The following GREB1L variants were observed in gnomAD, a reference collection of about 807,000 sequenced individuals.
GREB1L encodes GREB1 like retinoic acid receptor coactivator.
GREB1L carries 17 observed loss-of-function variants against 200.8 expected under a neutral mutation model. The ratio of observed to expected loss-of-function variants is 0.08; its 90% CI spans 0.06 to 0.13. The LOEUF (loss-of-function observed/expected upper bound fraction) is 0.13, where lower values mean the gene tolerates loss of function less well. GREB1L is among the 10% of genes least tolerant of loss of function. GREB1L has a pLI of 1.00. For synonymous variants in GREB1L, 789 were observed against 893.0 expected (o/e 0.88, Z 2.08); for missense variants, 1,657 against 2,367.7 (o/e 0.70, Z 6.23).
At chr18:21,342,095 A>T (rs530632567) in intron 1 of GREB1L, among the ~76,000 whole-genome samples, 2 of 152,208 alleles carry the variant, frequency 1.3e-5, no homozygotes, top group South Asian at 4.2e-4. Flanking sequence ...TATTGGAACC[A>T]TTTTTGCCTA....
chr18:21,347,168 C>G (rs12966347), intron 1 of GREB1L, among the ~76,000 whole-genome samples: 1 of 151,780 alleles, frequency 6.6e-6, no homozygotes, highest in South Asian at 2.1e-4. Context: ...GTCCCAGCTA[C>G]TAGGGAGGCT....
intron 6 of GREB1L, 99 bp from the exon 7 acceptor site, chr18:21,403,773 G>T: frequency 1.0e-6 from 1 of 984,440 alleles, no homozygotes; most frequent in Non-Finnish European, 1.5e-6. Flanking sequence ...CGCTTAAGGA[G>T]CAGCGATTTA....
intron 1 of GREB1L, among the ~76,000 whole-genome samples, chr18:21,252,966 T>G (rs1046656635): frequency 6.6e-6 from 1 of 152,226 alleles, no homozygotes; most frequent in South Asian, 2.1e-4. Flanking sequence ...TTTATTTCAG[T>G]CTTAGCTCAT....
At chr18:21,468,832 C>T (rs897412658) in intron 15 of GREB1L, 1 of 453,120 alleles carries the variant, frequency 2.2e-6, no homozygotes, top group Non-Finnish European at 4.4e-6. Flanking sequence ...TAAGTGAATA[C>T]TAATCAATTG....
chr18:21,294,584 T>C (rs917206240), intron 1 of GREB1L, among the ~76,000 whole-genome samples: 35 of 151,700 alleles, frequency 2.3e-4, no homozygotes, highest in African/African-American at 8.4e-4. Flanking sequence ...TAGGGTCAAT[T>C]GTTTAGTGGT....
intron 1 of GREB1L, among the ~76,000 whole-genome samples, chr18:21,322,387 G>A (rs2038963999): frequency 6.6e-6 from 1 of 152,192 alleles, no homozygotes; most frequent in Admixed American, 6.5e-5. Context: ...AGTAGTGGTA[G>A]GTTGAGGAGC....
At chr18:21,484,001 A>T (rs2036024628) in intron 17 of GREB1L, among the ~76,000 whole-genome samples, 1 of 151,232 alleles carries the variant, frequency 6.6e-6, no homozygotes. Context: ...AAAGCTCAGA[A>T]TTTGGGCTAC....
intron 17 of GREB1L, among the ~76,000 whole-genome samples, chr18:21,479,678 CA>C (rs36033923): frequency 0.04 from 4,985 of 125,814 alleles, 102 homozygotes; most frequent in African/African-American, 0.075. Flanking sequence ...GACCCTGTCT[CA>C]AAAAAAAAAA....
At chr18:21,289,903 CA>C (rs2038419809) in intron 1 of GREB1L, among the ~76,000 whole-genome samples, 2 of 152,214 alleles carry the variant, frequency 1.3e-5, no homozygotes, top group African/African-American at 4.8e-5. Flanking sequence ...TTTTTGTTGA[CA>C]AGACACATAG....
At chr18:21,409,889 CCT>C (rs1044432845) in intron 7 of GREB1L, among the ~76,000 whole-genome samples, 4 of 152,054 alleles carry the variant, frequency 2.6e-5, no homozygotes, top group African/African-American at 9.7e-5. Context: ...GACACTGTTC[CCT>C]GTTATAATGA....
intron 1 of GREB1L, among the ~76,000 whole-genome samples, chr18:21,251,382 T>C (rs773887485): frequency 5.9e-5 from 9 of 152,220 alleles, no homozygotes; most frequent in Non-Finnish European, 1.0e-4. Flanking sequence ...AACATAACTC[T>C]AAGTTAACTG....
At chr18:21,302,938 G>A (rs778649496) in intron 1 of GREB1L, among the ~76,000 whole-genome samples, 27 of 152,044 alleles carry the variant, frequency 1.8e-4, no homozygotes, top group Non-Finnish European at 3.5e-4. Flanking sequence ...AGCCAGGATG[G>A]TCTTGATCTC....
At chr18:21,368,027 A>G (rs1427431170) in intron 2 of GREB1L, among the ~76,000 whole-genome samples, 1 of 152,212 alleles carries the variant, frequency 6.6e-6, no homozygotes, top group Non-Finnish European at 1.5e-5. Flanking sequence ...TTATATTTCA[A>G]TCTATACACA....
chr18:21,401,015 T>C, intron 5 of GREB1L, 135 bp from the exon 6 acceptor site: 1 of 686,388 alleles, frequency 1.5e-6, no homozygotes, highest in South Asian at 2.0e-5. Context: ...ACCTGGTTTT[T>C]TTCCCTCTGA....
At chr18:21,419,686 TG>T (rs1438443115) in intron 7 of GREB1L, among the ~76,000 whole-genome samples, 2 of 152,226 alleles carry the variant, frequency 1.3e-5, no homozygotes, top group Admixed American at 1.3e-4. Flanking sequence ...TGACCTCAAG[TG>T]ATCCACCTGC....
chr18:21,356,704 G>A (rs2039509743), intron 1 of GREB1L, among the ~76,000 whole-genome samples: 1 of 152,118 alleles, frequency 6.6e-6, no homozygotes, highest in Non-Finnish European at 1.5e-5. Flanking sequence ...TGGAATTGCT[G>A]GACCATATGG....
At chr18:21,267,961 G>C (rs1206225641) in intron 1 of GREB1L, among the ~76,000 whole-genome samples, 1 of 152,124 alleles carries the variant, frequency 6.6e-6, no homozygotes, top group Non-Finnish European at 1.5e-5. Context: ...GAAGTGAGGA[G>C]ATTTCCAGAT....
intron 1 of GREB1L, among the ~76,000 whole-genome samples, chr18:21,248,865 G>A (rs896822133): frequency 1.3e-5 from 2 of 152,206 alleles, no homozygotes; most frequent in African/African-American, 4.8e-5. Context: ...ATGTTGGACT[G>A]TGTAGATATA....
intron 1 of GREB1L, among the ~76,000 whole-genome samples, chr18:21,324,145 T>C (rs1022690271): frequency 3.9e-5 from 6 of 152,230 alleles, no homozygotes; most frequent in Admixed American, 6.5e-5. Context: ...AAGTTGTTAC[T>C]ATATTTGAAT....
Sources: allele counts gnomAD v4.1 joint callset (sites outside exome capture counted in the v4.1 genomes callset), GRCh38; gene constraint gnomAD v4.1.1; transcripts MANE v1.5; gene names NCBI Gene and HGNC (gene_info 2026-07-23, HGNC 2026-07-21).